The following ZNF236 variants were observed in gnomAD, a reference collection of about 807,000 sequenced individuals.
ZNF236 encodes regulated by glucose.
ZNF236 carries 50 observed loss-of-function variants against 191.2 expected under a neutral mutation model. The observed-to-expected ratio is 0.26, with a 90% CI of 0.21 to 0.33. The LOEUF is 0.33. Ranked by LOEUF, ZNF236 falls within the 10% of genes least tolerant of loss-of-function variation. The pLI, the probability that ZNF236 is intolerant of heterozygous loss-of-function variation, is 1.00. For synonymous variants in ZNF236, 907 were observed against 928.8 expected (o/e 0.98, Z 0.43); for missense variants, 1,754 against 2,374.5 (o/e 0.74, Z 5.43).
intron 1 of ZNF236, 113 bp downstream of exon 1, chr18:76,822,775 G>GGGCGGGGGCCGCGCAGACCCGGGCCGCC (rs1387914549): frequency 2.8e-5 from 4 of 145,210 alleles, no homozygotes; most frequent in African/African-American, 9.9e-5. Flanking sequence ...GCGGGGGCGG[G>GGGCGGGGGCCGCGCAGACCCGGGCCGCC]GGCCGCGCAG....
Position 76,947,056 on chromosome 18 carries a change from C to T in ZNF236, c.4783-465C>T, listed in dbSNP as rs79485368. ...CCCCCGACCCCCGGCCCACCCTCACCGCTGCCCCTGGCAACTGCCAGTCCA... is the reference window on the plus strand; with the variant it reads ...CCCCCGACCCCCGGCCCACCCTCACTGCTGCCCCTGGCAACTGCCAGTCCA... On this transcript the variant is annotated intron_variant, in intron 26 of 30. Coordinates refer to ENST00000320610, the MANE Select transcript of ZNF236 (RefSeq NM_001306089.2). Among the ~76,000 whole-genome samples the T allele has an allele frequency of 7.1e-3, 1,077 of 152,262 alleles. 37 individuals carry two copies. The East Asian group carries it at 0.078, about 11-fold the overall frequency.
rs1345519132 is a variant in ZNF236, at chr18:76,895,594, AGTACTGCACACAG to A, written c.1690+323_1690+335del. Reference sequence around the variant, plus strand: ...AGTACTGCCCACAGGGACTGCACACAGTACTGCACACAGGTACTGCACACAGTATGCAACAGGG... The same window carrying A: ...AGTACTGCCCACAGGGACTGCACACAGTACTGCACACAGTATGCAACAGGG... On this transcript the variant is annotated intron_variant, in intron 10 of 30. Coordinates refer to ENST00000320610, the MANE Select transcript of ZNF236 (RefSeq NM_001306089.2). Among the ~76,000 whole-genome samples the A allele has an allele frequency of 3.9e-5, 6 of 151,972 alleles. 1 individual carries two copies. Among genetic ancestry groups the A allele is most frequent in the African/African-American group, 1.2e-4 (5 of 41,430 alleles).
At chr18:76,911,371 G>A (rs929921069) in intron 16 of ZNF236, among the ~76,000 whole-genome samples, 1 of 152,094 alleles carries the variant, frequency 6.6e-6, no homozygotes, top group Non-Finnish European at 1.5e-5. Flanking sequence ...AAGTGGTAGG[G>A]CTGGACCCTC....
At chr18:76,843,608 T>A (rs1975579560) in intron 1 of ZNF236, among the ~76,000 whole-genome samples, 2 of 148,182 alleles carry the variant, frequency 1.3e-5, no homozygotes, top group Non-Finnish European at 3.0e-5. Flanking sequence ...AAACCCCGTC[T>A]CTACTAAAAA....
chr18:76,921,631 G>A (rs1967535691), intron 20 of ZNF236, among the ~76,000 whole-genome samples: 1 of 152,148 alleles, frequency 6.6e-6, no homozygotes, highest in African/African-American at 2.4e-5. Flanking sequence ...CTGCCTGTGG[G>A]TGGGGCGTGC....
chr18:76,873,056 G>A (rs1976621945), intron 5 of ZNF236, among the ~76,000 whole-genome samples: 1 of 152,108 alleles, frequency 6.6e-6, no homozygotes, highest in Non-Finnish European at 1.5e-5. Context: ...TAGAGTAAGA[G>A]AGAAAGAAAA....
chr18:76,899,075 A>G lies in ZNF236; in HGVS notation c.1747A>G (p.Arg583Gly). ...CDKKFRTSGH[R>G]KTHIASHFKH... is the part of the protein sequence containing the mutation. The stretch of plus-strand genomic sequence containing the variant: ...CAAAAAATTTCGAACCTCAGGCCAT[A>G]GGAAGACTCACATTGCTTCCCACTT... Residue 583 changes from arginine (R) to glycine (G), a missense_variant, in exon 11 of 31, where the codon AGG (arginine) becomes GGG (glycine). Physicochemically the swap from Arg to Gly is moderately radical, Grantham distance 125. This residue lies in a region of ZNF236 where 641 missense variants were observed against 869.6 expected (regional missense o/e 0.74). Coordinates refer to ENST00000320610, the MANE Select transcript of ZNF236 (RefSeq NM_001306089.2). The G allele has an allele frequency of 6.2e-7, 1 of 1,614,200 alleles. No homozygotes were observed. Among genetic ancestry groups the G allele is most frequent in the Non-Finnish European group, 8.5e-7 (1 of 1,180,020 alleles).
chr18:76,854,988 T>C (rs1225813139), intron 3 of ZNF236, among the ~76,000 whole-genome samples: 2 of 152,250 alleles, frequency 1.3e-5, no homozygotes, highest in South Asian at 2.1e-4. Flanking sequence ...TACAGTGGCA[T>C]GATCTCAGCT....
intron 27 of ZNF236, among the ~76,000 whole-genome samples, chr18:76,952,068 C>T (rs1156900589): frequency 1.3e-5 from 2 of 152,118 alleles, no homozygotes; most frequent in Non-Finnish European, 2.9e-5. Context: ...GTAATAGATA[C>T]GCTGTAATGA....
In ZNF236 at chr18:76,878,088, G is replaced by C. The variant is rs1976765242; in HGVS notation, c.920G>C (p.Ser307Thr). 1 of 1,613,338 alleles carries C rather than the reference G, an allele frequency of 6.2e-7. No individual in the cohort carries two copies. The highest frequency in any genetic ancestry group is 8.5e-7 in the Non-Finnish European group (1 of 1,179,524). The change falls in exon 7 of 31, where the codon AGC (serine) becomes ACC (threonine). Residue 307 changes from serine (S) to threonine (T), a missense_variant. Physicochemically the swap from Ser to Thr is moderately conservative, Grantham distance 58 (BLOSUM62 1). Transcript: ENST00000320610. ...TTAGGCAGCTTAAACACGCATATCA[G>C]CAAGATGCATATGGGTGGGCCACAG... ...KSLGSLNTHI[S>T]KMHMGGPQNS...
In ZNF236 at chr18:76,964,581, G is replaced by C. The variant is rs567106160; in HGVS notation, c.5420-3634G>C. ...AGGTATATATCTATTAAGTCCTTTT[G>C]TTCCAAGGTATAGTTTAAATCCATT... On this transcript the variant is annotated intron_variant, in intron 30 of 30. Coordinates refer to ENST00000320610, the MANE Select transcript of ZNF236 (RefSeq NM_001306089.2). 6.6e-5 allele frequency among the ~76,000 whole-genome samples: 10 copies of C among 152,200 alleles called. No homozygotes were observed. The South Asian group carries it at 2.1e-3, about 32-fold the overall frequency.
rs779664312 is a variant in ZNF236, at chr18:76,927,507, T to C, written c.4404T>C (p.Thr1468=). 14 of 1,613,638 alleles carry C rather than the reference T, an allele frequency of 8.7e-6. No homozygotes were observed. The South Asian group carries it at 8.8e-5, about 10-fold the overall frequency. The change falls in exon 24 of 31, where the codon ACT becomes ACC. Residue 1468 remains threonine (T), a synonymous_variant. Transcript: ENST00000320610. The surrounding 1 kb of genome is among the most constrained non-coding windows in gnomAD (Gnocchi z 5.4). ...CTGAGCAGGATTCAGTGCTGACCAC[T>C]AACAGCAGTGGTAAGAGCCACTCAC... The part of the protein sequence containing the change: ...PLSEQDSVLT[T]NSSGTQDLTQ...
Position 76,895,218 on chromosome 18 carries a change from G to C in ZNF236, c.1623G>C (p.Lys541Asn), listed in dbSNP as rs563561451. ...CGCACACCGGCATCAAGGCGTTCAA[G>C]TGCCAGTACTGCATGAAGAGCTTCT... Reference protein sequence around the residue: ...IKTHTGIKAFKCQYCMKSFST... With the variant: ...IKTHTGIKAFNCQYCMKSFST... The change falls in exon 10 of 31, where the codon AAG (lysine) becomes AAC (asparagine). Residue 541 changes from lysine (K) to asparagine (N), a missense_variant. Coordinates refer to ENST00000320610, the MANE Select transcript of ZNF236 (RefSeq NM_001306089.2). 2 of 1,601,230 alleles carry C rather than the reference G, an allele frequency of 1.2e-6. No individual in the cohort carries two copies. Among genetic ancestry groups the C allele is most frequent in the African/African-American group, 1.3e-5 (1 of 75,056 alleles).
At chr18:76,832,827 CTT>C (rs1338946685) in intron 1 of ZNF236, among the ~76,000 whole-genome samples, 1 of 152,022 alleles carries the variant, frequency 6.6e-6, no homozygotes, top group Non-Finnish European at 1.5e-5. Flanking sequence ...GAACTAATGT[CTT>C]TACAATCTTG....
chr18:76,934,379 T>C (rs527768427), intron 25 of ZNF236, among the ~76,000 whole-genome samples: 1 of 152,370 alleles, frequency 6.6e-6, no homozygotes, highest in African/African-American at 2.4e-5. Context: ...GTAAGTACTG[T>C]CTCAGAAGCA....
At chr18:76,847,628 G>T (rs1388012720) in intron 1 of ZNF236, among the ~76,000 whole-genome samples, 1 of 152,056 alleles carries the variant, frequency 6.6e-6, no homozygotes, top group African/African-American at 2.4e-5. Flanking sequence ...ACCACGCCCG[G>T]CTGATTTTTT....
rs544379602 is a variant in ZNF236, at chr18:76,962,396, A to G, written c.5419+1541A>G. 4.6e-5 allele frequency among the ~76,000 whole-genome samples: 7 copies of G among 152,230 alleles called. No homozygotes were observed. In the South Asian group the frequency reaches 8.3e-4, roughly 18 times the overall value. On this transcript the variant is annotated intron_variant, in intron 30 of 30. Coordinates refer to ENST00000320610, the MANE Select transcript of ZNF236 (RefSeq NM_001306089.2). ...ATTTGGGTTTATTTCTGGGTTCTCT[A>G]TTCAGTTCCATTGGTCTGTATGCCT...
intron 27 of ZNF236, among the ~76,000 whole-genome samples, chr18:76,949,387 T>G (rs1232906323): frequency 6.6e-6 from 1 of 152,178 alleles, no homozygotes; most frequent in Admixed American, 6.5e-5. Flanking sequence ...TTCCATTAGA[T>G]GGAAATGAGA....
Position 76,868,877 on chromosome 18 carries a change from C to T in ZNF236, c.542+14C>T. On this transcript the variant is annotated intron_variant, in intron 4 of 30. Coordinates refer to ENST00000320610, the MANE Select transcript of ZNF236 (RefSeq NM_001306089.2). Reference sequence around the variant, plus strand: ...TTACAAAATTAGGTATGAGTCATTACATGGGCTTGGTCAAAAATCCATCTA... The same window carrying T: ...TTACAAAATTAGGTATGAGTCATTATATGGGCTTGGTCAAAAATCCATCTA... 6.4e-7 allele frequency: 1 copy of T among 1,570,464 alleles called. No homozygotes were observed. Among genetic ancestry groups the T allele is most frequent in the Non-Finnish European group, 8.6e-7 (1 of 1,157,648 alleles).
Sources: allele counts gnomAD v4.1 joint callset (sites outside exome capture counted in the v4.1 genomes callset), GRCh38; gene constraint gnomAD v4.1.1; regional missense constraint gnomAD v4.1.1; non-coding constraint Gnocchi (gnomAD v3.1); transcripts MANE v1.5; gene names NCBI Gene and HGNC (gene_info 2026-07-23, HGNC 2026-07-21).